UBAC2: variants seen among roughly 807,000 people sequenced by gnomAD.
UBAC2 encodes the protein ubiquitin-associated domain-containing protein 2.
In UBAC2, 26 loss-of-function variants were observed where a neutral mutation model predicts 44.0. The ratio of observed to expected loss-of-function variants is 0.59; its 90% CI spans 0.43 to 0.82. UBAC2 has a LOEUF of 0.82. Ranked by LOEUF, UBAC2 falls within the 40% of genes least tolerant of loss-of-function variation. The probability of loss-of-function intolerance (pLI) is 0.00; values close to 1 mark genes in which losing one functional copy is unlikely to be tolerated. For missense variants in UBAC2, 329 were observed against 419.4 expected (o/e 0.78, Z 1.88); for synonymous variants, 155 against 154.3 (o/e 1.00, Z -0.04).
intron 4 of UBAC2, among the ~76,000 whole-genome samples, chr13:99,300,629 G>A (rs749470980): frequency 6.6e-6 from 1 of 152,158 alleles, no homozygotes; most frequent in African/African-American, 2.4e-5. Context: ...CTTTCATTCA[G>A]CAGGAAAATG....
At chr13:99,330,962 A>G (rs750143224) in intron 6 of UBAC2, among the ~76,000 whole-genome samples, 6 of 152,242 alleles carry the variant, frequency 3.9e-5, no homozygotes, top group Non-Finnish European at 8.8e-5. Context: ...AATGGATATT[A>G]GAAGGTGTTT....
chr13:99,327,077 A>G (rs1277350818), intron 6 of UBAC2, among the ~76,000 whole-genome samples: 2 of 152,190 alleles, frequency 1.3e-5, no homozygotes, highest in Admixed American at 6.5e-5. Flanking sequence ...CTCTTCTAAA[A>G]TCATCAAGAT....
intron 4 of UBAC2, among the ~76,000 whole-genome samples, chr13:99,309,856 C>T (rs996073470): frequency 3.3e-5 from 5 of 152,226 alleles, no homozygotes; most frequent in African/African-American, 4.8e-5. Context: ...AAGCCATCTG[C>T]CCACCTTGGC....
intron 1 of UBAC2, among the ~76,000 whole-genome samples, chr13:99,231,207 G>A (rs1431448802): frequency 6.6e-6 from 1 of 152,138 alleles, no homozygotes; most frequent in African/African-American, 2.4e-5. Context: ...ATTAGGACGT[G>A]GACCTCCTTG....
At chr13:99,297,226 G>A (rs934266004) in intron 4 of UBAC2, among the ~76,000 whole-genome samples, 7 of 152,100 alleles carry the variant, frequency 4.6e-5, no homozygotes, top group African/African-American at 1.7e-4. Flanking sequence ...GGTAAACTTT[G>A]ATTAAAGCAG....
At chr13:99,364,021 C>T (rs1423095646) in intron 7 of UBAC2, among the ~76,000 whole-genome samples, 7 of 152,088 alleles carry the variant, frequency 4.6e-5, no homozygotes, top group Admixed American at 3.9e-4. Context: ...TTTAATCATA[C>T]TCTCTTGTTC....
intron 7 of UBAC2, among the ~76,000 whole-genome samples, chr13:99,357,891 T>C (rs1283089980): frequency 6.6e-6 from 1 of 152,214 alleles, no homozygotes; most frequent in Non-Finnish European, 1.5e-5. Context: ...CTTTGTCCAT[T>C]CAGTTATCCA....
chr13:99,232,621 C>T (rs568125355), intron 1 of UBAC2, among the ~76,000 whole-genome samples: 80 of 152,056 alleles, frequency 5.3e-4, no homozygotes, highest in South Asian at 2.9e-3. Flanking sequence ...ATGCAAAGTC[C>T]TTAGGAAAAA....
intron 3 of UBAC2, 102 bp from the exon 4 acceptor site, chr13:99,244,413 A>ACACACG (rs2043356580): frequency 1.3e-6 from 1 of 748,510 alleles, no homozygotes; most frequent in Non-Finnish European, 2.3e-6. Flanking sequence ...ACACACACAC[A>ACACACG]TACATATGAA....
chr13:99,249,252 C>G (rs942102933), intron 4 of UBAC2, among the ~76,000 whole-genome samples: 6 of 152,002 alleles, frequency 3.9e-5, no homozygotes, highest in Admixed American at 2.0e-4. Context: ...CCATGTGTAC[C>G]CAGTGTTTAG....
intron 8 of UBAC2, among the ~76,000 whole-genome samples, chr13:99,384,576 C>T (rs766445756): frequency 1.2e-4 from 18 of 152,256 alleles, no homozygotes; most frequent in Non-Finnish European, 2.5e-4. Flanking sequence ...GTTGCTGCCC[C>T]AGGCTCAGCC....
chr13:99,384,143 C>T (rs1326411223), intron 8 of UBAC2, among the ~76,000 whole-genome samples: 1 of 152,204 alleles, frequency 6.6e-6, no homozygotes, highest in East Asian at 1.9e-4. Flanking sequence ...TGGGCCCCTT[C>T]TCTTTCCACC....
intron 6 of UBAC2, among the ~76,000 whole-genome samples, chr13:99,325,976 A>G (rs2044636882): frequency 6.6e-6 from 1 of 152,122 alleles, no homozygotes; most frequent in East Asian, 1.9e-4. Context: ...CATGTTGGCT[A>G]TTGCAAATAA....
intron 4 of UBAC2, among the ~76,000 whole-genome samples, chr13:99,284,592 C>G (rs892786482): frequency 2.6e-5 from 4 of 152,214 alleles, no homozygotes; most frequent in African/African-American, 9.7e-5. Context: ...CTCCAAAATA[C>G]CATGAGTATG....
chr13:99,327,811 TTC>T (rs970105357), intron 6 of UBAC2, among the ~76,000 whole-genome samples: 1 of 152,250 alleles, frequency 6.6e-6, no homozygotes, highest in Non-Finnish European at 1.5e-5. Context: ...GATCTTCACA[TTC>T]TTTTTTATTA....
chr13:99,292,758 C>T (rs1171287942), intron 4 of UBAC2, among the ~76,000 whole-genome samples: 1 of 150,602 alleles, frequency 6.6e-6, no homozygotes, highest in Non-Finnish European at 1.5e-5. Context: ...AATAACGATC[C>T]ATTTTCCCAG....
intron 1 of UBAC2, among the ~76,000 whole-genome samples, chr13:99,207,273 G>A (rs1262290647): frequency 2.6e-5 from 4 of 152,196 alleles, no homozygotes; most frequent in African/African-American, 9.7e-5. Flanking sequence ...TTGATGGGAA[G>A]GAAGATCAGA....
intron 7 of UBAC2, among the ~76,000 whole-genome samples, chr13:99,353,731 C>A (rs80272484): frequency 6.6e-6 from 1 of 151,684 alleles, no homozygotes; most frequent in Non-Finnish European, 1.5e-5. Flanking sequence ...TTTTCCTCCC[C>A]AAAAAAAGCC....
chr13:99,382,067 A>T (rs1487705641), intron 8 of UBAC2, among the ~76,000 whole-genome samples: 1 of 152,208 alleles, frequency 6.6e-6, no homozygotes, highest in Admixed American at 6.5e-5. Flanking sequence ...CTGATTAAAA[A>T]TGTTGATTAA....
Sources: gnomAD v4.1 joint callset for allele counts (sites outside exome capture counted in the v4.1 genomes callset) on GRCh38, gnomAD v4.1.1 for gene constraint, MANE v1.5 for transcripts, NCBI Gene and HGNC (gene_info 2026-07-23, HGNC 2026-07-21) for gene names.